SERTM1: variants seen among roughly 807,000 people sequenced by gnomAD.
SERTM1 encodes the protein serine-rich and transmembrane domain-containing protein 1.
SERTM1 carries 1 observed loss-of-function variant against 5.5 expected under a neutral mutation model. That is an observed-to-expected ratio of 0.18 (90% CI 0.06 to 0.86). The LOEUF is 0.86. Among genes scored for constraint, SERTM1 ranks in the 40% least tolerant of loss-of-function variants. The pLI, the probability that SERTM1 is intolerant of heterozygous loss-of-function variation, is 0.69. For synonymous variants in SERTM1, 52 were observed against 55.1 expected (o/e 0.94, Z 0.25); for missense variants, 91 against 122.4 (o/e 0.74, Z 1.21).
chr13:36,684,283 C>T (rs980736601), intron 1 of SERTM1, among the ~76,000 whole-genome samples: 9 of 150,626 alleles, frequency 6.0e-5, no homozygotes, highest in African/African-American at 9.8e-5. Flanking sequence ...GGCGACAGAG[C>T]GAGACTCTGT....
chr13:36,681,079 A>G (rs2056702153), intron 1 of SERTM1, among the ~76,000 whole-genome samples: 1 of 152,190 alleles, frequency 6.6e-6, no homozygotes, highest in South Asian at 2.1e-4. Context: ...TAGTGCTGGT[A>G]AGGAGATTGC....
chr13:36,675,437 G>C (rs573959592), intron 1 of SERTM1, among the ~76,000 whole-genome samples: 8 of 152,278 alleles, frequency 5.3e-5, no homozygotes, highest in African/African-American at 1.9e-4. Context: ...CCTGTCAACA[G>C]GAAAAGAGGC....
intron 1 of SERTM1, among the ~76,000 whole-genome samples, chr13:36,678,695 A>ATAT (rs1395603891): frequency 1.4e-5 from 2 of 147,498 alleles, no homozygotes; most frequent in African/African-American, 2.5e-5. Flanking sequence ...ATATATATAT[A>ATAT]AAATATAGTC....
At chr13:36,675,805 C>T (rs1487613596) in intron 1 of SERTM1, among the ~76,000 whole-genome samples, 1 of 152,120 alleles carries the variant, frequency 6.6e-6, no homozygotes, top group South Asian at 2.1e-4. Flanking sequence ...ATCGTAGGGC[C>T]GCCGAAGCCT....
At chr13:36,688,386 T>A (rs1237701902) in intron 1 of SERTM1, among the ~76,000 whole-genome samples, 1 of 152,106 alleles carries the variant, frequency 6.6e-6, no homozygotes, top group Admixed American at 6.6e-5. Context: ...ATAATTTTTG[T>A]ATTTTTTGTA....
rs576838670 is a variant in SERTM1 at position 36,697,793 on chromosome 13, A to C, written c.*2391A>C. 6.0e-6 allele frequency: 1 copy of C among 167,152 alleles called. No homozygotes were observed. Among genetic ancestry groups the C allele is most frequent in the East Asian group, 1.9e-4 (1 of 5,180 alleles). The allele number at this position is 167,152 out of a possible 1,614,324, so 10.4% of individuals were successfully genotyped here. A position where few individuals can be genotyped will look rare whatever the true frequency, so the allele number is the denominator to read the frequency against. On this transcript the variant is annotated 3_prime_UTR_variant, in exon 2 of 2. Coordinates refer to ENST00000315190, the MANE Select transcript of SERTM1 (RefSeq NM_203451.3). ...ATTCATGTTGTTTAAGAAGTTCAGA[A>C]AGGTTGGAAGATGGGTTTATAAATA...
chr13:36,678,180 T>C (rs925963908), intron 1 of SERTM1, among the ~76,000 whole-genome samples: 1 of 152,206 alleles, frequency 6.6e-6, no homozygotes, highest in Non-Finnish European at 1.5e-5. Flanking sequence ...TTTTCTGATG[T>C]CAATACACAT....
intron 1 of SERTM1, among the ~76,000 whole-genome samples, chr13:36,689,649 A>G (rs1324881902): frequency 6.6e-6 from 1 of 150,912 alleles, no homozygotes; most frequent in Non-Finnish European, 1.5e-5. Flanking sequence ...AATTAAGTTC[A>G]TATCCTTTTT....
intron 1 of SERTM1, among the ~76,000 whole-genome samples, chr13:36,682,903 A>C (rs548797293): frequency 1.7e-4 from 25 of 149,518 alleles, no homozygotes; most frequent in African/African-American, 3.4e-4. Flanking sequence ...TTCTTTCTTT[A>C]TTTATTTGTT....
Position 36,695,729 on chromosome 13 carries a change from G to T in SERTM1, c.*327G>T. 3.6e-6 allele frequency: 1 copy of T among 280,366 alleles called. No homozygotes were observed. The allele number at this position is 280,366 out of a possible 1,614,324, so 17.4% of individuals were successfully genotyped here. ...CTGAGGTGGCCTCTCCGTGGATGCT[G>T]GACATGGACTCGCACTTCATTTCTT... is the stretch of plus-strand genomic sequence containing the variant. On this transcript the variant is annotated 3_prime_UTR_variant, in exon 2 of 2. Transcript: ENST00000315190.
chr13:36,686,000 A>T (rs2056738629), intron 1 of SERTM1, among the ~76,000 whole-genome samples: 1 of 152,166 alleles, frequency 6.6e-6, no homozygotes, highest in African/African-American at 2.4e-5. Context: ...TGCAGGAGAG[A>T]TATCCTTGGC....
In SERTM1 at chr13:36,695,611, G is replaced by A. The variant is rs1175599160; in HGVS notation, c.*209G>A. The A allele has an allele frequency of 3.3e-6, 2 of 599,126 alleles. No individual in the cohort carries two copies. The highest frequency in any genetic ancestry group is 4.3e-5 in the South Asian group (2 of 46,072). The allele number at this position is 599,126 out of a possible 1,614,324, so 37.1% of individuals were successfully genotyped here. ...GGTGGAAATGTGTGCAAACCCCAAG[G>A]TGCAGAATTTCACACAAATGGCTTG... On this transcript the variant is annotated 3_prime_UTR_variant, in exon 2 of 2. Coordinates refer to ENST00000315190, the MANE Select transcript of SERTM1 (RefSeq NM_203451.3).
chr13:36,692,794 C>G (rs532329303), intron 1 of SERTM1, among the ~76,000 whole-genome samples: 1 of 152,318 alleles, frequency 6.6e-6, no homozygotes, highest in South Asian at 2.1e-4. Context: ...TTTTTCTTTT[C>G]TTACCACAGT....
intron 1 of SERTM1, among the ~76,000 whole-genome samples, chr13:36,684,023 C>T (rs914951567): frequency 3.3e-5 from 5 of 152,138 alleles, no homozygotes; most frequent in Admixed American, 1.3e-4. Flanking sequence ...GCTTGTGGGG[C>T]GCAGTGGCTT....
In SERTM1 at chr13:36,695,222, C is replaced by T. The variant is rs1251861251; in HGVS notation, c.144C>T (p.Phe48=). ...LSNVYIYVSI[F]LSLLAFLLLL... Reference sequence around the variant, plus strand: ...ACGTCTACATCTATGTGTCCATATTCCTCAGCCTTTTAGCGTTTCTGCTTC... The same window carrying T: ...ACGTCTACATCTATGTGTCCATATTTCTCAGCCTTTTAGCGTTTCTGCTTC... The change falls in exon 2 of 2, where the codon TTC becomes TTT. Residue 48 remains phenylalanine (F), a synonymous_variant. Coordinates refer to ENST00000315190, the MANE Select transcript of SERTM1 (RefSeq NM_203451.3). The T allele has an allele frequency of 1.9e-6, 3 of 1,614,206 alleles. No individual in the cohort carries two copies. In the South Asian group the frequency reaches 3.3e-5, roughly 18 times the overall value.
At chr13:36,687,591 A>G (rs1408978150) in intron 1 of SERTM1, among the ~76,000 whole-genome samples, 4 of 152,188 alleles carry the variant, frequency 2.6e-5, no homozygotes, top group African/African-American at 9.7e-5. Context: ...ATGTGCAAAA[A>G]TAGAGAACTT....
chr13:36,680,076 C>CA lies in SERTM1; in HGVS notation c.-174+5901dup, dbSNP rs200157276. The stretch of plus-strand genomic sequence containing the variant: ...ATGTATATTCAAATATTCCAAAATC[C>CA]AAAAAAAAATTCAAAATCAGAAACA... On this transcript the variant is annotated intron_variant, in intron 1 of 1. Coordinates refer to ENST00000315190, the MANE Select transcript of SERTM1 (RefSeq NM_203451.3). Among the ~76,000 whole-genome samples, 888 of 151,198 alleles carry CA rather than the reference C, an allele frequency of 5.9e-3. 10 individuals carry two copies. The highest frequency in any genetic ancestry group is 0.02 in the African/African-American group (823 of 41,222).
Position 36,696,734 on chromosome 13 carries a change from T to C in SERTM1, c.*1332T>C, listed in dbSNP as rs2056816663. On this transcript the variant is annotated 3_prime_UTR_variant, in exon 2 of 2. Transcript: ENST00000315190. The stretch of plus-strand genomic sequence containing the variant: ...CTGCAGCTCCTTAAGAGTAAGAATT[T>C]TAATTTAATTTTGAAAATAAATGGC... 1 of 167,054 alleles carries C rather than the reference T, an allele frequency of 6.0e-6. No individual in the cohort carries two copies. Among genetic ancestry groups the C allele is most frequent in the South Asian group, 2.1e-4 (1 of 4,832 alleles). 10.3% of individuals were successfully genotyped at this position (167,054 alleles called of 1,614,324 possible). A position where few individuals can be genotyped will look rare whatever the true frequency, so the allele number is the denominator to read the frequency against.
intron 1 of SERTM1, among the ~76,000 whole-genome samples, chr13:36,688,725 C>T (rs529513245): frequency 2.4e-4 from 37 of 152,208 alleles, no homozygotes; most frequent in South Asian, 1.7e-3. Context: ...TCTTGAAAAG[C>T]CAATCTTTTT....
Sources: gnomAD v4.1 joint callset for allele counts (sites outside exome capture counted in the v4.1 genomes callset) on GRCh38, gnomAD v4.1.1 for gene constraint, MANE v1.5 for transcripts, NCBI Gene and HGNC (gene_info 2026-07-23, HGNC 2026-07-21) for gene names.